Variants in HERC1 observed in about 807,000 individuals in gnomAD.
HERC1 encodes HECT and RLD domain containing E3 ubiquitin protein ligase family member 1.
A neutral mutation model predicts 554.3 loss-of-function variants in HERC1; 160 were observed. The observed-to-expected ratio is 0.29, with a 90% CI of 0.25 to 0.33. The LOEUF is 0.33. HERC1 is among the 10% of genes least tolerant of loss of function. The pLI, the probability that HERC1 is intolerant of heterozygous loss-of-function variation, is 1.00. For synonymous variants in HERC1, 2,175 were observed against 2,131.7 expected (o/e 1.02, Z -0.56); for missense variants, 4,919 against 5,918.5 (o/e 0.83, Z 5.54).
chr15:63,709,648 C>T (rs1346920254), intron 24 of HERC1, among the ~76,000 whole-genome samples: 1 of 152,136 alleles, frequency 6.6e-6, no homozygotes, highest in African/African-American at 2.4e-5. Flanking sequence ...CCCAAAAGTA[C>T]ACCACTTTAA....
At chr15:63,772,492 T>C (rs2075983769) in intron 2 of HERC1, among the ~76,000 whole-genome samples, 1 of 151,012 alleles carries the variant, frequency 6.6e-6, no homozygotes, top group Admixed American at 6.6e-5. Flanking sequence ...CATAAATACA[T>C]TATTTTATTG....
rs1387986310 is a variant in HERC1 at position 63,680,127 on chromosome 15, C to T, written c.6499G>A (p.Ala2167Thr). The T allele has an allele frequency of 6.2e-7, 1 of 1,613,326 alleles. No individual in the cohort carries two copies. The highest frequency in any genetic ancestry group is 1.1e-5 in the South Asian group (1 of 91,054). ...PKLAFEDVDAAELYPCVMFYS... is the reference protein window; with the variant it reads ...PKLAFEDVDATELYPCVMFYS... Reference sequence around the variant, plus strand: ...AACATCACACATGGGTACAACTCTGCTGCATCCACATCTTCAAAAGCTAAT... The same window carrying T: ...AACATCACACATGGGTACAACTCTGTTGCATCCACATCTTCAAAAGCTAAT... Residue 2167 changes from alanine to threonine, a missense_variant, in exon 36 of 78, where the codon GCA becomes ACA. This residue lies in a region of HERC1 where 85 missense variants were observed against 163.2 expected (regional missense o/e 0.52). Transcript: ENST00000443617. The surrounding 1 kb of genome is among the most constrained non-coding windows in gnomAD (Gnocchi z 5.8).
chr15:63,673,670 T>C (rs1252749952), intron 38 of HERC1, among the ~76,000 whole-genome samples: 1 of 152,244 alleles, frequency 6.6e-6, no homozygotes, highest in South Asian at 2.1e-4. Context: ...CCTATGAAAG[T>C]AGAGACTTTA....
At position 63,680,922 on chromosome 15, in the gene HERC1, C is replaced by A. The variant is rs1376449774; in HGVS notation, c.6226-146G>T. 3.4e-6 allele frequency: 2 copies of A among 589,098 alleles called. No individual in the cohort carries two copies. The highest frequency in any genetic ancestry group is 2.4e-5 in the South Asian group (1 of 41,212). The allele number at this position is 589,098 out of a possible 1,614,324, so 36.5% of individuals were successfully genotyped here. A position where few individuals can be genotyped will look rare whatever the true frequency, so the allele number is the denominator to read the frequency against. On this transcript the variant is annotated intron_variant, in intron 34 of 77. Transcript: ENST00000443617. This position sits in a 1 kb window ranked among gnomAD's most constrained non-coding sequence, Gnocchi z 5.8. ...ATTTTCAGCATAAATAAAAATAACA[C>A]GAAAATAATCGCATCAATTTAGAAA...
intron 21 of HERC1, 146 bp from the exon 22 acceptor site, chr15:63,716,619 C>T: frequency 1.6e-6 from 1 of 608,522 alleles, no homozygotes; most frequent in Non-Finnish European, 2.8e-6. Context: ...CCAAAAGATA[C>T]ACTAGATAAA....
In HERC1 at chr15:63,734,784, T is replaced by G; in HGVS notation, c.2586A>C (p.Glu862Asp). The change falls in exon 13 of 78, where the codon GAA becomes GAC. Residue 862 changes from glutamate (E) to aspartate (D), a missense_variant. By Grantham distance (45) the Glu-to-Asp change is conservative. This residue lies in a region of HERC1 where 744 missense variants were observed against 1,090.0 expected (regional missense o/e 0.68). Coordinates refer to ENST00000443617, the MANE Select transcript of HERC1 (RefSeq NM_003922.4). This position sits in a 1 kb window ranked among gnomAD's most constrained non-coding sequence, Gnocchi z 4.6. Reference sequence around the variant, plus strand: ...CTTGAGGTAAAAGAGAATGAAGTAATTCCATCCGTTCTCGTAATGGAGGTA... The same window carrying G: ...CTTGAGGTAAAAGAGAATGAAGTAAGTCCATCCGTTCTCGTAATGGAGGTA... ...MLLPPLRERM[E>D]LLHSLLPQGP... The G allele has an allele frequency of 6.2e-7, 1 of 1,602,282 alleles. No homozygotes were observed. The highest frequency in any genetic ancestry group is 8.5e-7 in the Non-Finnish European group (1 of 1,175,422).
chr15:63,645,979 A>G (rs1272113514), intron 55 of HERC1, among the ~76,000 whole-genome samples: 1 of 152,180 alleles, frequency 6.6e-6, no homozygotes, highest in Non-Finnish European at 1.5e-5. Flanking sequence ...TCTCATTAGC[A>G]TTTGTATTTA....
chr15:63,694,945 C>T lies in HERC1; in HGVS notation c.5122-51G>A. 1.6e-5 allele frequency: 24 copies of T among 1,535,316 alleles called. No homozygotes were observed. Among genetic ancestry groups the T allele is most frequent in the Non-Finnish European group, 2.1e-5 (24 of 1,134,304 alleles). ...TTTCTATTAGCAACAATAATACCTG[C>T]TTGCAAAAAGAAGTAATAACATTTT... On this transcript the variant is annotated intron_variant, in intron 27 of 77. Transcript: ENST00000443617. The surrounding 1 kb of genome is among the most constrained non-coding windows in gnomAD (Gnocchi z 4.3).
At chr15:63,621,761 C>T (rs1383422813) in intron 74 of HERC1, among the ~76,000 whole-genome samples, 2 of 152,190 alleles carry the variant, frequency 1.3e-5, no homozygotes, top group Non-Finnish European at 2.9e-5. Context: ...CACTGATACC[C>T]TTTCTTCCAG....
At chr15:63,744,158 GTGTGTGTCTCTCTCTCTCTC>G (rs2074956748) in intron 12 of HERC1, among the ~76,000 whole-genome samples, 1 of 42,306 alleles carries the variant, frequency 2.4e-5, no homozygotes, top group South Asian at 5.1e-4. Flanking sequence ...GTGTGTGTGT[GTGTGTGTCTCTCTCTCTCTC>G]TCTCTCTCTC....
Position 63,664,521 on chromosome 15 carries a change from T to C in HERC1, c.8629A>G (p.Thr2877Ala). Residue 2877 changes from threonine to alanine, a missense_variant, in exon 43 of 78, where the codon ACA (threonine) becomes GCA (alanine). Transcript: ENST00000443617. ...GPSARGRSAV[T>A]RRHKFDLAAR... ...GCTAAGTCAAACTTGTGTCTTCTTG[T>C]TACCGCTGAGCGACCTCTAGCTGAT... 1 of 1,613,816 alleles carries C rather than the reference T, an allele frequency of 6.2e-7. No homozygotes were observed. The highest frequency in any genetic ancestry group is 8.5e-7 in the Non-Finnish European group (1 of 1,179,756).
intron 1 of HERC1, among the ~76,000 whole-genome samples, chr15:63,813,109 A>G (rs143710444): frequency 3.3e-5 from 5 of 152,380 alleles, no homozygotes; most frequent in Non-Finnish European, 7.3e-5. Context: ...GATTTTCAAA[A>G]TAAGACCTTC....
chr15:63,784,447 G>A (rs2076378074), intron 1 of HERC1, among the ~76,000 whole-genome samples: 1 of 152,102 alleles, frequency 6.6e-6, no homozygotes, highest in South Asian at 2.1e-4. Context: ...ATTAAAAAGG[G>A]TTTAATAATA....
chr15:63,659,904 C>G lies in HERC1; in HGVS notation c.9256G>C (p.Glu3086Gln). 2 of 1,613,514 alleles carry G rather than the reference C, an allele frequency of 1.2e-6. No individual in the cohort carries two copies. The highest frequency in any genetic ancestry group is 8.5e-7 in the Non-Finnish European group (1 of 1,179,532). The change falls in exon 47 of 78, where the codon GAA becomes CAA. Residue 3086 changes from glutamate (E) to glutamine (Q), a missense_variant. Physicochemically the swap from Glu to Gln is conservative, Grantham distance 29. Around this residue, in one of 11 missense-constraint regions of HERC1, gnomAD observed 1,963 missense variants for 2,228.6 expected, o/e 0.88. Coordinates refer to ENST00000443617, the MANE Select transcript of HERC1 (RefSeq NM_003922.4). Reference sequence around the variant, plus strand: ...AATTCTTCTTCACCAGTTAGCTTTTCATCTTCATCAACATCCAACATGTCC... The same window carrying G: ...AATTCTTCTTCACCAGTTAGCTTTTGATCTTCATCAACATCCAACATGTCC... ...DWDMLDVDED[E>Q]KLTGEEEFEL...
chr15:63,779,054 G>A (rs936897990), intron 1 of HERC1, among the ~76,000 whole-genome samples: 1 of 151,852 alleles, frequency 6.6e-6, no homozygotes, highest in Non-Finnish European at 1.5e-5. Context: ...TTATAAAAGT[G>A]TTCAAGGAAG....
intron 25 of HERC1, 25 bp downstream of exon 25, chr15:63,706,755 C>A: frequency 7.2e-7 from 1 of 1,386,284 alleles, no homozygotes; most frequent in Non-Finnish European, 9.8e-7. Flanking sequence ...AAGATATTTA[C>A]TATGTTCTTA....
chr15:63,777,292 A>C (rs868644419), intron 1 of HERC1, among the ~76,000 whole-genome samples: 1 of 152,344 alleles, frequency 6.6e-6, no homozygotes, highest in Non-Finnish European at 1.5e-5. Flanking sequence ...TCTTCCTAAG[A>C]TACTTGTAAA....
At chr15:63,819,934 A>G (rs746590070) in intron 1 of HERC1, among the ~76,000 whole-genome samples, 9 of 152,188 alleles carry the variant, frequency 5.9e-5, no homozygotes, top group Non-Finnish European at 1.2e-4. Flanking sequence ...TTTACCCCAT[A>G]AGTTTAAACG....
At chr15:63,731,960 A>AG (rs2074313500) in intron 14 of HERC1, among the ~76,000 whole-genome samples, 1 of 152,100 alleles carries the variant, frequency 6.6e-6, no homozygotes, top group African/African-American at 2.4e-5. Context: ...TTCAGATAAG[A>AG]ATGGTGTGTG....
Sources: allele counts gnomAD v4.1 joint callset (sites outside exome capture counted in the v4.1 genomes callset), GRCh38; gene constraint gnomAD v4.1.1; regional missense constraint gnomAD v4.1.1; non-coding constraint Gnocchi (gnomAD v3.1); transcripts MANE v1.5; gene names NCBI Gene and HGNC (gene_info 2026-07-23, HGNC 2026-07-21).